Variants in SH3TC1 observed in about 807,000 individuals in gnomAD.
SH3TC1 encodes SH3 domain and tetratricopeptide repeat-containing protein 1.
A neutral mutation model predicts 117.3 loss-of-function variants in SH3TC1; 135 were observed. The observed-to-expected ratio is 1.15, with a 90% confidence interval of 1.00 to 1.33. The LOEUF (loss-of-function observed/expected upper bound fraction) is 1.33. SH3TC1 is among the 40% of genes most tolerant of loss of function. The probability of loss-of-function intolerance (pLI) is 0.00; values close to 1 mark genes in which losing one functional copy is unlikely to be tolerated. For missense variants in SH3TC1, 2,092 were observed against 1,794.3 expected (o/e 1.17, Z -3.00); for synonymous variants, 898 against 816.9 (o/e 1.10, Z -1.69).
At chr4:8,232,209 G>C (rs1721299177) in intron 13 of SH3TC1, 53 bp downstream of exon 13, 4 of 1,300,420 alleles carry the variant, frequency 3.1e-6, no homozygotes, top group African/African-American at 1.5e-5. Flanking sequence ...AAAGGGGGCG[G>C]CGGGGCGGGG....
rs41266529 is a variant in SH3TC1 at position 8,219,414 on chromosome 4, C to A, written c.996C>A (p.Ile332=). The change falls in exon 9 of 18, where the codon ATC becomes ATA. Residue 332 remains isoleucine, a synonymous_variant. Transcript: ENST00000245105. ...TGACCTTCCGAGGTGGCGACCTCAT[C>A]GAGATCCTTGGGGCGCAGGTGCCCA... ...EEMTFRGGDL[I]EILGAQVPSL... The A allele has an allele frequency of 6.2e-7, 1 of 1,611,770 alleles. No individual in the cohort carries two copies. Among genetic ancestry groups the A allele is most frequent in the Admixed American group, 1.7e-5 (1 of 59,958 alleles).
chr4:8,197,879 G>T (rs1717613377), upstream of SH3TC1, among the ~76,000 whole-genome samples: 1 of 152,208 alleles, frequency 6.6e-6, no homozygotes, highest in African/African-American at 2.4e-5. Flanking sequence ...ATTAGAGAAA[G>T]GTGAACAGGA....
At chr4:8,213,732 T>C (rs60239510) in intron 4 of SH3TC1, among the ~76,000 whole-genome samples, 11,882 of 152,046 alleles carry the variant, frequency 0.078, 504 homozygotes, top group African/African-American at 0.098. Context: ...ACCTCGTCTC[T>C]ACAAAAAAAT....
At chr4:8,184,458 C>T (rs1175503381) in intron 1 of SH3TC1, among the ~76,000 whole-genome samples, 1 of 152,208 alleles carries the variant, frequency 6.6e-6, no homozygotes, top group Non-Finnish European at 1.5e-5. Flanking sequence ...TGGCTCACTG[C>T]AGCCTCGACC....
At chr4:8,229,757 A>G (rs1409930289) in intron 12 of SH3TC1, among the ~76,000 whole-genome samples, 1 of 151,998 alleles carries the variant, frequency 6.6e-6, no homozygotes, top group African/African-American at 2.4e-5. Context: ...CTCTGACTGC[A>G]AGGAGACCCT....
Position 8,192,364 on chromosome 4 carries a change from A to C in SH3TC1, c.-57+10154A>C, listed in dbSNP as rs575128133. Among the ~76,000 whole-genome samples the C allele has an allele frequency of 1.3e-5, 2 of 152,104 alleles. No homozygotes were observed. On this transcript the variant is annotated intron_variant, in intron 1 of 16. Transcript: ENST00000508641. The surrounding 1 kb of genome is among the most constrained non-coding windows in gnomAD (Gnocchi z 4.1). ...CTCTCCTTCCTGTGACCTTGGGTAAAGGTCATTTTCGCCCTGCCCCTCAGT... is the reference window on the plus strand; with the variant it reads ...CTCTCCTTCCTGTGACCTTGGGTAACGGTCATTTTCGCCCTGCCCCTCAGT...
Position 8,227,372 on chromosome 4 carries a change from G to C in SH3TC1, c.1678G>C (p.Ala560Pro). The C allele has an allele frequency of 6.4e-7, 1 of 1,568,262 alleles. No homozygotes were observed. The highest frequency in any genetic ancestry group is 8.6e-7 in the Non-Finnish European group (1 of 1,157,244). Residue 560 changes from alanine to proline, a missense_variant, in exon 12 of 18, where the codon GCC (alanine) becomes CCC (proline). Transcript: ENST00000245105. ...GAAAGCTGGCCTCCTCATGGCCCTG[G>C]CCAGGCTCTGCTTCCTCCTGGGGCG... ...AKKAGLLMALARLCFLLGRLC... is the reference protein window; with the variant it reads ...AKKAGLLMALPRLCFLLGRLC...
chr4:8,218,163 G>A (rs1009329230), intron 7 of SH3TC1, 108 bp from the exon 8 acceptor site: 2 of 677,090 alleles, frequency 3.0e-6, no homozygotes, highest in African/African-American at 1.8e-5. Flanking sequence ...GGGAGGCGAG[G>A]GACCTGCTCA....
chr4:8,231,834 G>T, intron 12 of SH3TC1, 142 bp from the exon 13 acceptor site: 1 of 887,822 alleles, frequency 1.1e-6, no homozygotes, highest in Non-Finnish European at 1.7e-6. Flanking sequence ...CCCATGTCAC[G>T]GTGTGCTCAG....
At position 8,233,439 on chromosome 4, in the gene SH3TC1, G is replaced by T. The variant is rs554194875; in HGVS notation, c.3208G>T (p.Ala1070Ser). Residue 1070 changes from alanine to serine, a missense_variant, in exon 14 of 18, where the codon GCG becomes TCG. Ala to Ser is a moderately conservative substitution (Grantham distance 99). Transcript: ENST00000245105. ...FIDLQKKEKE[A>S]HAWLQAGKIY... Reference sequence around the variant, plus strand: ...TGACCTCCAGAAGAAAGAGAAGGAGGCGCATGCCTGGCTGCAAGCAGGGAA... The same window carrying T: ...TGACCTCCAGAAGAAAGAGAAGGAGTCGCATGCCTGGCTGCAAGCAGGGAA... 6.2e-6 allele frequency: 10 copies of T among 1,613,972 alleles called. No individual in the cohort carries two copies. In the South Asian group the frequency reaches 8.8e-5, roughly 14 times the overall value.
At position 8,225,678 on chromosome 4, in the gene SH3TC1, C is replaced by T. The variant is rs1247380113; in HGVS notation, c.1285+462C>T. Among the ~76,000 whole-genome samples, 1 of 152,168 alleles carries T rather than the reference C, an allele frequency of 6.6e-6. No homozygotes were observed. On this transcript the variant is annotated intron_variant, in intron 11 of 17. Transcript: ENST00000245105. The surrounding 1 kb of genome is among the most constrained non-coding windows in gnomAD (Gnocchi z 5.5). ...TTCCTGAGGGGCTGATTGAGGGAGA[C>T]CCTTCCATCTCCCCTCTACAGCTCT... is the stretch of plus-strand genomic sequence containing the variant.
In SH3TC1 at chr4:8,222,361, GTTTTTTTTTTTTTTT is replaced by G. The variant is rs5856006; in HGVS notation, c.1113-463_1113-449del. Among the ~76,000 whole-genome samples, 10 of 40,284 alleles carry G rather than the reference GTTTTTTTTTTTTTTT, an allele frequency of 2.5e-4. 1 individual carries two copies. The highest frequency in any genetic ancestry group is 5.0e-4 in the African/African-American group (5 of 10,022). The allele number at this position is 40,284 out of a possible 152,430, so 26.4% of individuals were successfully genotyped here. ...AGGCACCCCTTGAGGTCAGGATCTG[GTTTTTTTTTTTTTTT>G]TTTTTTTTTTTTTTTCAGACAAAGT... On this transcript the variant is annotated intron_variant, in intron 9 of 17. Transcript: ENST00000245105.
chr4:8,227,929 G>A lies in SH3TC1; in HGVS notation c.2235G>A (p.Leu745=), dbSNP rs1482758154. The A allele has an allele frequency of 4.3e-6, 7 of 1,612,510 alleles. No individual in the cohort carries two copies. Among genetic ancestry groups the A allele is most frequent in the Non-Finnish European group, 5.9e-6 (7 of 1,179,956 alleles). The part of the protein sequence containing the change: ...LRTRGSLAGS[L]RSVNLVLQNA... ...CACGGGGCTCGCTGGCCGGCTCGCT[G>A]AGGAGTGTGAACCTGGTGCTCCAGA... Residue 745 remains leucine, a synonymous_variant, in exon 12 of 18, where the codon CTG becomes CTA. Transcript: ENST00000245105.
intron 1 of SH3TC1, among the ~76,000 whole-genome samples, chr4:8,200,355 G>C (rs1368678368): frequency 6.6e-6 from 1 of 152,214 alleles, no homozygotes; most frequent in Non-Finnish European, 1.5e-5. Context: ...AACCCCACCT[G>C]TGCTGCTTGG....
chr4:8,209,510 C>T lies in SH3TC1; in HGVS notation c.173-238C>T, dbSNP rs575133441. 3.6e-5 allele frequency: 28 copies of T among 781,180 alleles called. No homozygotes were observed. In the East Asian group the frequency reaches 4.4e-4, roughly 12 times the overall value. 48.4% of individuals were successfully genotyped at this position (781,180 alleles called of 1,614,324 possible). A position where few individuals can be genotyped will look rare whatever the true frequency, so the allele number is the denominator to read the frequency against. On this transcript the variant is annotated intron_variant, in intron 2 of 17. Transcript: ENST00000245105. The surrounding 1 kb of genome is among the most constrained non-coding windows in gnomAD (Gnocchi z 5.9). ...TTGAGAGCGGCGGGATCATACGAGT[C>T]GTGTGGTCTTAAGCCTCTGAGTGTG...
At chr4:8,236,579 C>T (rs573461335) in intron 16 of SH3TC1, 151 bp downstream of exon 16, 9 of 1,081,330 alleles carry the variant, frequency 8.3e-6, no homozygotes, top group Middle Eastern at 3.1e-4. Flanking sequence ...CCCGTCCGGC[C>T]GTGGGGCACA....
chr4:8,234,486 TCCATCCAC>T (rs373658893), intron 14 of SH3TC1, among the ~76,000 whole-genome samples: 2,328 of 106,616 alleles, frequency 0.022, 48 homozygotes, highest in African/African-American at 0.059. Context: ...CATCCATCCA[TCCATCCAC>T]CCATCCATCC....
intron 1 of SH3TC1, among the ~76,000 whole-genome samples, chr4:8,201,105 G>C (rs1490324437): frequency 6.6e-6 from 1 of 152,188 alleles, no homozygotes; most frequent in Non-Finnish European, 1.5e-5. Flanking sequence ...TGGCATAGGT[G>C]AGGTCTCAAT....
At chr4:8,191,376 C>T (rs574264667) in intron 1 of SH3TC1, among the ~76,000 whole-genome samples, 3 of 152,232 alleles carry the variant, frequency 2.0e-5, no homozygotes, top group South Asian at 2.1e-4. Context: ...GCCTCCGACC[C>T]GGCGGCCCAG....
Sources: allele counts gnomAD v4.1 joint callset (sites outside exome capture counted in the v4.1 genomes callset), GRCh38; gene constraint gnomAD v4.1.1; non-coding constraint Gnocchi (gnomAD v3.1); transcripts MANE v1.5; gene names NCBI Gene and HGNC (gene_info 2026-07-23, HGNC 2026-07-21).